NCAPD3: variants seen among roughly 807,000 people sequenced by gnomAD.
The protein encoded by NCAPD3 is non-SMC condensin II complex subunit D3.
In NCAPD3, 105 loss-of-function variants were observed where a neutral mutation model predicts 182.9. That is an observed-to-expected ratio of 0.57 (90% confidence interval 0.49 to 0.68). The LOEUF (loss-of-function observed/expected upper bound fraction) is 0.68, where lower values mean the gene tolerates loss of function less well. Ranked by LOEUF, NCAPD3 falls within the 30% of genes least tolerant of loss-of-function variation. The probability of loss-of-function intolerance (pLI) is 0.00; values close to 1 mark genes in which losing one functional copy is unlikely to be tolerated. For missense variants in NCAPD3, 1,944 were observed against 1,837.0 expected, an observed-to-expected ratio of 1.06 and a Z score of -1.07; for synonymous variants, 815 against 679.9, an observed-to-expected ratio of 1.20 and a Z score of -3.09.
chr11:134,163,008 A>T (rs909625736), intron 27 of NCAPD3, among the ~76,000 whole-genome samples: 5 of 152,276 alleles, frequency 3.3e-5, no homozygotes, highest in Admixed American at 3.3e-4. Flanking sequence ...TTAGACCCAG[A>T]GGCAAGAGCA....
chr11:134,161,543 G>A (rs532373245), intron 28 of NCAPD3, among the ~76,000 whole-genome samples: 3 of 152,348 alleles, frequency 2.0e-5, no homozygotes, highest in Non-Finnish European at 2.9e-5. Flanking sequence ...AAGGGAAGAC[G>A]TGCTTGGCAC....
rs759100577 is a variant in NCAPD3, at chr11:134,203,768, G to A, written c.1354C>T (p.Arg452Cys). The A allele has an allele frequency of 1.2e-6, 2 of 1,614,138 alleles. No homozygotes were observed. Among genetic ancestry groups the A allele is most frequent in the Non-Finnish European group, 1.7e-6 (2 of 1,180,034 alleles). ...KFLVQEIMFD[R>C]CLDKAPTVRS... Reference sequence around the variant, plus strand: ...ACAGTAGGCGCCTTGTCTAAGCAACGATCAAACATAATTTCCTGCACCAGG... The same window carrying A: ...ACAGTAGGCGCCTTGTCTAAGCAACAATCAAACATAATTTCCTGCACCAGG... Residue 452 changes from arginine (R) to cysteine (C), a missense_variant, in exon 11 of 35, where the codon CGT becomes TGT. Around this residue, in one of 3 missense-constraint regions of NCAPD3, gnomAD observed 1,803 missense variants for 1,674.6 expected, o/e 1.08. Coordinates refer to ENST00000534548, the MANE Select transcript of NCAPD3 (RefSeq NM_015261.3).
chr11:134,177,383 C>G lies in NCAPD3; in HGVS notation c.2857G>C (p.Glu953Gln). 1.2e-6 allele frequency: 2 copies of G among 1,614,236 alleles called. No individual in the cohort carries two copies. Among genetic ancestry groups the G allele is most frequent in the Non-Finnish European group, 8.5e-7 (1 of 1,180,024 alleles). ...PALVRELEVC[E>Q]DVAVRNNVII... The stretch of plus-strand genomic sequence containing the variant: ...ACGTTGTTGCGGACAGCCACGTCCT[C>G]ACACACCTCGAGCTCTCGCACCAGG... Residue 953 changes from glutamate (E) to glutamine (Q), a missense_variant, in exon 23 of 35, where the codon GAG becomes CAG. Physicochemically the swap from Glu to Gln is conservative, Grantham distance 29. Transcript: ENST00000534548.
intron 24 of NCAPD3, among the ~76,000 whole-genome samples, chr11:134,174,453 T>C (rs1349617205): frequency 6.6e-6 from 1 of 150,822 alleles, no homozygotes; most frequent in African/African-American, 2.4e-5. Context: ...GCGTAGCCTT[T>C]GGCCTAAAAA....
At chr11:134,179,015 G>T in intron 20 of NCAPD3, 79 bp from the exon 21 acceptor site, 1 of 909,944 alleles carries the variant, frequency 1.1e-6, no homozygotes, top group Non-Finnish European at 1.7e-6. Flanking sequence ...CATGTCAATG[G>T]AGTATTTCCT....
chr11:134,166,776 G>T (rs1943824727), intron 27 of NCAPD3, among the ~76,000 whole-genome samples: 1 of 129,960 alleles, frequency 7.7e-6, no homozygotes, highest in African/African-American at 3.0e-5. Context: ...ATGAGCTTGG[G>T]GGAGGCGCAC....
chr11:134,164,101 C>T (rs1302921370), intron 27 of NCAPD3, among the ~76,000 whole-genome samples: 1 of 152,076 alleles, frequency 6.6e-6, no homozygotes, highest in African/African-American at 2.4e-5. Flanking sequence ...CAAAAGCCTC[C>T]AGAGGCCAGG....
chr11:134,152,831 A>G lies in NCAPD3; in HGVS notation c.*113T>C. 1.2e-6 allele frequency: 1 copy of G among 831,176 alleles called. No homozygotes were observed. Among genetic ancestry groups the G allele is most frequent in the Non-Finnish European group, 1.9e-6 (1 of 522,636 alleles). 51.5% of individuals were successfully genotyped at this position (831,176 alleles called of 1,614,324 possible). On this transcript the variant is annotated 3_prime_UTR_variant, in exon 35 of 35. Transcript: ENST00000534548. ...CTGAGGAGGAGCTCTCGTGTTCCAC[A>G]GCAAAGCGCTGCCCAAGGACTGCGG...
intron 24 of NCAPD3, among the ~76,000 whole-genome samples, chr11:134,174,006 C>CGTT (rs2135969308): frequency 6.6e-6 from 1 of 151,754 alleles, no homozygotes; most frequent in East Asian, 1.9e-4. Flanking sequence ...AAAACAAAAC[C>CGTT]CAGAACCTCT....
intron 28 of NCAPD3, among the ~76,000 whole-genome samples, chr11:134,161,115 G>C (rs1334769413): frequency 6.6e-6 from 1 of 151,464 alleles, no homozygotes; most frequent in Non-Finnish European, 1.5e-5. Context: ...GCCTTTATTG[G>C]AAAAAAAATT....
At chr11:134,160,101 CAT>C (rs1253027502) in intron 28 of NCAPD3, 27 bp from the exon 29 acceptor site, 1 of 1,607,540 alleles carries the variant, frequency 6.2e-7, no homozygotes, top group African/African-American at 1.3e-5. Context: ...AGCATCCTTT[CAT>C]GTTTTCTTGA....
chr11:134,188,442 C>T (rs192886827), intron 16 of NCAPD3, among the ~76,000 whole-genome samples: 309 of 152,324 alleles, frequency 2.0e-3, no homozygotes, highest in African/African-American at 7.1e-3. Flanking sequence ...TCCCCTTGCA[C>T]GCTGTGGAAG....
chr11:134,207,681 T>C (rs754644430), intron 7 of NCAPD3, among the ~76,000 whole-genome samples: 13 of 143,272 alleles, frequency 9.1e-5, no homozygotes, highest in Non-Finnish European at 1.9e-4. Flanking sequence ...GAGGCTGAGG[T>C]TGCAGTGAGC....
At chr11:134,218,285 G>A (rs1463416605) in intron 2 of NCAPD3, among the ~76,000 whole-genome samples, 1 of 152,092 alleles carries the variant, frequency 6.6e-6, no homozygotes, top group East Asian at 1.9e-4. Flanking sequence ...CTGCTGTCTA[G>A]TCTGGGCGTC....
intron 16 of NCAPD3, among the ~76,000 whole-genome samples, chr11:134,188,634 C>A (rs181021473): frequency 1.4e-3 from 212 of 152,308 alleles, no homozygotes; most frequent in African/African-American, 5.0e-3. Context: ...GTAACACTCA[C>A]TACGAAGGTC....
chr11:134,200,125 G>C (rs893898335), intron 13 of NCAPD3, among the ~76,000 whole-genome samples: 2 of 152,092 alleles, frequency 1.3e-5, no homozygotes, highest in African/African-American at 4.8e-5. Context: ...CTAAATGTGA[G>C]AGCTAAAACT....
intron 32 of NCAPD3, among the ~76,000 whole-genome samples, chr11:134,154,894 C>T (rs889010374): frequency 4.6e-5 from 7 of 152,198 alleles, no homozygotes; most frequent in African/African-American, 1.7e-4. Context: ...TAGAGAATTC[C>T]TCATCACTGC....
chr11:134,202,703 T>C, intron 13 of NCAPD3, 113 bp downstream of exon 13: 1 of 787,490 alleles, frequency 1.3e-6, no homozygotes, highest in Non-Finnish European at 2.0e-6. Context: ...GTTTCAACTC[T>C]TAGGGGTGAA....
intron 27 of NCAPD3, among the ~76,000 whole-genome samples, chr11:134,167,069 G>C (rs1442616257): frequency 9.0e-6 from 1 of 111,466 alleles, no homozygotes; most frequent in African/African-American, 4.3e-5. Context: ...GATGAGCTTG[G>C]GGGAGCTGCA....
Sources: allele counts gnomAD v4.1 joint callset (sites outside exome capture counted in the v4.1 genomes callset), GRCh38; gene constraint gnomAD v4.1.1; regional missense constraint gnomAD v4.1.1; transcripts MANE v1.5; gene names NCBI Gene and HGNC (gene_info 2026-07-23, HGNC 2026-07-21).